Variants in UBE2H observed in about 807,000 individuals in gnomAD.
The protein encoded by UBE2H is ubiquitin conjugating enzyme E2 H.
In UBE2H, 3 loss-of-function variants were observed where a neutral mutation model predicts 29.0. That is an observed-to-expected ratio of 0.10 (90% confidence interval 0.05 to 0.27). UBE2H has a LOEUF of 0.27. Among genes scored for constraint, UBE2H ranks in the 10% least tolerant of loss-of-function variants. UBE2H has a pLI of 1.00. For missense variants in UBE2H, 68 were observed against 228.2 expected (o/e 0.30, Z 4.52); for synonymous variants, 69 against 82.9 (o/e 0.83, Z 0.91).
At chr7:129,849,451 G>A (rs1017835894) in intron 5 of UBE2H, among the ~76,000 whole-genome samples, 8 of 152,146 alleles carry the variant, frequency 5.3e-5, no homozygotes, top group East Asian at 1.9e-4. Context: ...GGTGGTGGGC[G>A]CCGGTAATCC....
chr7:129,850,423 T>C (rs1161610451), intron 5 of UBE2H, among the ~76,000 whole-genome samples: 1 of 152,162 alleles, frequency 6.6e-6, no homozygotes, highest in African/African-American at 2.4e-5. Context: ...GCAACATACA[T>C]GATAAATACA....
chr7:129,835,177 G>C, intron 6 of UBE2H, 116 bp from the exon 7 acceptor site: 5 of 1,380,756 alleles, frequency 3.6e-6, no homozygotes, highest in Non-Finnish European at 5.0e-6. Context: ...CACCAGGGGG[G>C]ACAAAGATGA....
At chr7:129,867,740 A>AAAAAAAAAG (rs768415224) in intron 3 of UBE2H, among the ~76,000 whole-genome samples, 2 of 138,310 alleles carry the variant, frequency 1.4e-5, no homozygotes, top group Admixed American at 7.1e-5. Flanking sequence ...AAAAAAAAAA[A>AAAAAAAAAG]AAGAAGACCA....
At position 129,881,020 on chromosome 7, in the gene UBE2H, G is replaced by GA. The variant is rs775774827; in HGVS notation, c.54-50dup. 8 of 1,551,032 alleles carry GA rather than the reference G, an allele frequency of 5.2e-6. No individual in the cohort carries two copies. The South Asian group carries it at 9.4e-5, about 18-fold the overall frequency. On this transcript the variant is annotated intron_variant, in intron 1 of 6. Transcript: ENST00000355621. ...TACACAGGCTTTACAGTATCTGGCA[G>GA]AATTACCAATAACACCCCAGGCATA...
At chr7:129,882,243 C>T (rs1806270566) in intron 1 of UBE2H, among the ~76,000 whole-genome samples, 2 of 152,148 alleles carry the variant, frequency 1.3e-5, no homozygotes, top group Admixed American at 1.3e-4. Flanking sequence ...AAATGATTCT[C>T]AGTAGGAATT....
chr7:129,946,990 T>C (rs1413435091), intron 1 of UBE2H, among the ~76,000 whole-genome samples: 1 of 152,114 alleles, frequency 6.6e-6, no homozygotes, highest in Non-Finnish European at 1.5e-5. Context: ...AATACCAATG[T>C]TTAAATATAT....
chr7:129,868,929 CTCTCTCTT>C (rs1434966849), intron 3 of UBE2H, among the ~76,000 whole-genome samples: 1 of 78,042 alleles, frequency 1.3e-5, no homozygotes, highest in Non-Finnish European at 2.7e-5. Flanking sequence ...GGGTCTCTCT[CTCTCTCTT>C]TTTTTTTTTT....
At position 129,833,668 on chromosome 7, in the gene UBE2H, C is replaced by T. The variant is rs1421865438; in HGVS notation, c.*1269G>A. ...TCTGAATCCCTTCTTCCTATTCGGT[C>T]ACTCTCTGAAAAAAGCTGGTTTGTT... On this transcript the variant is annotated 3_prime_UTR_variant, in exon 7 of 7. Coordinates refer to ENST00000355621, the MANE Select transcript of UBE2H (RefSeq NM_003344.4). The T allele has an allele frequency of 6.6e-6, 1 of 152,144 alleles. No homozygotes were observed. Among genetic ancestry groups the T allele is most frequent in the Non-Finnish European group, 1.5e-5 (1 of 68,034 alleles). 9.4% of individuals were successfully genotyped at this position (152,144 alleles called of 1,614,324 possible).
At chr7:129,835,359 G>A (rs1277167309) in intron 6 of UBE2H, among the ~76,000 whole-genome samples, 1 of 152,134 alleles carries the variant, frequency 6.6e-6, no homozygotes, top group Non-Finnish European at 1.5e-5. Context: ...CAGGGACCAG[G>A]GAAATGGGAG....
At chr7:129,894,930 A>G (rs1392693938) in intron 1 of UBE2H, among the ~76,000 whole-genome samples, 1 of 152,228 alleles carries the variant, frequency 6.6e-6, no homozygotes, top group African/African-American at 2.4e-5. Context: ...AACCGCAGAG[A>G]ATAAAGTCCT....
At chr7:129,897,575 A>C (rs1246622341) in intron 1 of UBE2H, among the ~76,000 whole-genome samples, 2 of 152,224 alleles carry the variant, frequency 1.3e-5, no homozygotes, top group African/African-American at 2.4e-5. Flanking sequence ...ACAGGTTCAA[A>C]ATTACTGTCA....
intron 2 of UBE2H, 143 bp from the exon 3 acceptor site, chr7:129,879,785 T>C (rs1806218197): frequency 7.4e-6 from 5 of 677,606 alleles, no homozygotes; most frequent in African/African-American, 3.6e-5. Context: ...CTACAATCAA[T>C]AGGTGTACCA....
intron 5 of UBE2H, among the ~76,000 whole-genome samples, chr7:129,853,897 G>A (rs1805656126): frequency 6.6e-6 from 1 of 152,122 alleles, no homozygotes; most frequent in Admixed American, 6.5e-5. Context: ...CCTGGGGCAA[G>A]GTAAATGGCA....
intron 5 of UBE2H, among the ~76,000 whole-genome samples, chr7:129,847,330 G>T (rs562873133): frequency 6.6e-6 from 1 of 151,976 alleles, no homozygotes; most frequent in Non-Finnish European, 1.5e-5. Flanking sequence ...ATGAGCCACC[G>T]CGCCTGGCCA....
intron 3 of UBE2H, among the ~76,000 whole-genome samples, chr7:129,879,235 C>A (rs1476961692): frequency 6.6e-6 from 1 of 152,150 alleles, no homozygotes. Flanking sequence ...TTCATTCTTG[C>A]AATCTGGCAT....
chr7:129,892,192 G>A (rs1473219289), intron 1 of UBE2H, among the ~76,000 whole-genome samples: 3 of 151,666 alleles, frequency 2.0e-5, no homozygotes, highest in African/African-American at 4.8e-5. Flanking sequence ...CTCGTGATCC[G>A]CCCGCCTCGG....
chr7:129,843,866 A>G (rs570103507), intron 5 of UBE2H, among the ~76,000 whole-genome samples: 2 of 152,292 alleles, frequency 1.3e-5, no homozygotes, highest in South Asian at 4.1e-4. Context: ...ATAACAACGA[A>G]AACCTTTAAA....
chr7:129,859,756 T>A (rs911089736), intron 3 of UBE2H, among the ~76,000 whole-genome samples: 2 of 152,138 alleles, frequency 1.3e-5, no homozygotes, highest in African/African-American at 2.4e-5. Flanking sequence ...CATTTTGTCA[T>A]CCTTATCACT....
At position 129,835,060 on chromosome 7, in the gene UBE2H, C is replaced by T. The variant is rs761764607; in HGVS notation, c.429G>A (p.Glu143=). The T allele has an allele frequency of 3.1e-6, 5 of 1,614,124 alleles. No homozygotes were observed. Among genetic ancestry groups the T allele is most frequent in the Non-Finnish European group, 4.2e-6 (5 of 1,180,036 alleles). The change falls in exon 7 of 7, where the codon GAG becomes GAA. Residue 143 remains glutamate, a splice_region_variant and synonymous_variant. Coordinates refer to ENST00000355621, the MANE Select transcript of UBE2H (RefSeq NM_003344.4). ...CCTCCGTGGCGTATTTCTGGATGTA[C>T]TCTGCACGGGGTGGGAGAAAGACAA... is the stretch of plus-strand genomic sequence containing the variant. ...RPEEYKQKIK[E]YIQKYATEEA...
Sources: allele counts gnomAD v4.1 joint callset (sites outside exome capture counted in the v4.1 genomes callset), GRCh38; gene constraint gnomAD v4.1.1; transcripts MANE v1.5; gene names NCBI Gene and HGNC (gene_info 2026-07-23, HGNC 2026-07-21).